Variants in ZNF16 observed in about 807,000 individuals in gnomAD.
ZNF16 encodes the protein zinc finger protein 16, also known as zinc finger protein KOX9.
ZNF16 carries 7 observed loss-of-function variants against 9.0 expected under a neutral mutation model. The observed-to-expected ratio is 0.78, with a 90% confidence interval of 0.44 to 1.47. The LOEUF is 1.47. Among genes scored for constraint, ZNF16 ranks in the 40% most tolerant of loss-of-function variants. The pLI, the probability that ZNF16 is intolerant of heterozygous loss-of-function variation, is 0.01. For synonymous variants in ZNF16, 312 were observed against 301.5 expected (o/e 1.03, Z -0.36); for missense variants, 830 against 854.2 (o/e 0.97, Z 0.35).
In ZNF16 at chr8:144,930,444, A is replaced by C; in HGVS notation, c.*294T>G. 2 of 332,634 alleles carry C rather than the reference A, an allele frequency of 6.0e-6. No homozygotes were observed. The highest frequency in any genetic ancestry group is 2.1e-5 in the African/African-American group (1 of 47,404). 20.6% of individuals were successfully genotyped at this position (332,634 alleles called of 1,614,324 possible). On this transcript the variant is annotated 3_prime_UTR_variant, in exon 3 of 3. Transcript: ENST00000394909. The stretch of plus-strand genomic sequence containing the variant: ...ACTTTTCATTATAATAATAAACTCT[A>C]TTCATGAATATGCAGCCTCCATAAT...
chr8:144,943,532 T>C (rs1195919087), intron 2 of ZNF16, among the ~76,000 whole-genome samples: 1 of 152,136 alleles, frequency 6.6e-6, no homozygotes, highest in African/African-American at 2.4e-5. Flanking sequence ...TTTTTCTTTT[T>C]TTTTTGAGAC....
At position 144,932,809 on chromosome 8, in the gene ZNF16, C is replaced by T. The variant is rs866722613; in HGVS notation, c.197-219G>A. On this transcript the variant is annotated intron_variant, in intron 2 of 2. Transcript: ENST00000394909. This position sits in a 1 kb window ranked among gnomAD's most constrained non-coding sequence, Gnocchi z 5.0. ...GATGAGTGAGAGCTCTTGATGACCA[C>T]GGACCCACCCTCCCTGGGACTCCAC... Among the ~76,000 whole-genome samples, 5 of 152,092 alleles carry T rather than the reference C, an allele frequency of 3.3e-5. No individual in the cohort carries two copies. Among genetic ancestry groups the T allele is most frequent in the African/African-American group, 9.7e-5 (4 of 41,404 alleles).
In ZNF16 at chr8:144,930,810, A is replaced by C. The variant is rs1394885881; in HGVS notation, c.1977T>G (p.Cys659Trp). 1.3e-6 allele frequency: 2 copies of C among 1,561,468 alleles called. No individual in the cohort carries two copies. The highest frequency in any genetic ancestry group is 1.7e-6 in the Non-Finnish European group (2 of 1,156,472). Residue 659 changes from cysteine (C) to tryptophan (W), a missense_variant, in exon 3 of 3, where the codon TGT becomes TGG. Transcript: ENST00000394909. ...GGCTGAAGGCTTTCCCACAAGCAGC[A>C]CAGTCATAGGGCTTCACCCCAGTGT... is the stretch of plus-strand genomic sequence containing the variant. ...RIHTGVKPYD[C>W]AACGKAFSQR... is the part of the protein sequence containing the mutation.
rs532818842 is a variant in ZNF16, at chr8:144,950,322, T to C, written c.-10+475A>G. On this transcript the variant is annotated intron_variant, in intron 1 of 2. Coordinates refer to ENST00000394909, the MANE Select transcript of ZNF16 (RefSeq NM_006958.3). ...GACCGGTGCCGGTGCAGGTCCTTAG[T>C]GTGCCGAGTGCCGGTCTCCTGGGCC... is the stretch of plus-strand genomic sequence containing the variant. 14 of 152,364 alleles carry C rather than the reference T, an allele frequency of 9.2e-5. 1 individual carries two copies. In the South Asian group the frequency reaches 2.5e-3, roughly 27 times the overall value. 9.4% of individuals were successfully genotyped at this position (152,364 alleles called of 1,614,324 possible). A position where few individuals can be genotyped will look rare whatever the true frequency, so the allele number is the denominator to read the frequency against.
In ZNF16 at chr8:144,931,518, G is replaced by A; in HGVS notation, c.1269C>T (p.His423=). The A allele has an allele frequency of 6.2e-7, 1 of 1,613,930 alleles. No homozygotes were observed. Among genetic ancestry groups the A allele is most frequent in the Middle Eastern group, 1.7e-4 (1 of 6,060 alleles). The change falls in exon 3 of 3, where the codon CAC becomes CAT. Residue 423 remains histidine (H), a synonymous_variant. Transcript: ENST00000394909. ...PFSRVSNLIK[H]HRVHTGEKPY... is the part of the protein sequence containing the mutation. ...GCTTCTCTCCAGTGTGAACCCTGTG[G>A]TGCTTAATGAGGTTGGAGACCCGAC...
chr8:144,930,966 A>T lies in ZNF16; in HGVS notation c.1821T>A (p.Gly607=), dbSNP rs765410007. ...GEKPYTCVEC[G]KGFSQSSHLI... ...GGTGTGAGCTCTGGCTGAAGCCCTT[A>T]CCACATTCAACACAGGTGTAGGGTT... is the stretch of plus-strand genomic sequence containing the variant. The change falls in exon 3 of 3, where the codon GGT becomes GGA. Residue 607 remains glycine (G), a synonymous_variant. Transcript: ENST00000394909. The T allele has an allele frequency of 1.2e-6, 2 of 1,613,690 alleles. No homozygotes were observed. Among genetic ancestry groups the T allele is most frequent in the Non-Finnish European group, 1.7e-6 (2 of 1,179,858 alleles).
At position 144,950,239 on chromosome 8, in the gene ZNF16, G is replaced by A. The variant is rs189418164; in HGVS notation, c.-10+558C>T. On this transcript the variant is annotated intron_variant, in intron 1 of 2. Transcript: ENST00000394909. ...CCTATTATCACCCTGCTCTCCTACTGCATTCCTCTTGCTGAGATAATGAAA... is the reference window on the plus strand; with the variant it reads ...CCTATTATCACCCTGCTCTCCTACTACATTCCTCTTGCTGAGATAATGAAA... 3.3e-3 allele frequency among the ~76,000 whole-genome samples: 497 copies of A among 152,238 alleles called. 1 individual carries two copies. Among genetic ancestry groups the A allele is most frequent in the South Asian group, 7.5e-3 (36 of 4,824 alleles).
chr8:144,939,945 T>C (rs73381234), intron 2 of ZNF16, among the ~76,000 whole-genome samples: 3,587 of 152,324 alleles, frequency 0.024, 139 homozygotes, highest in African/African-American at 0.083. Context: ...ATTTTGTTGA[T>C]TCTATTTTCT....
chr8:144,946,295 T>C (rs1327403703), intron 1 of ZNF16, 80 bp from the exon 2 acceptor site: 7 of 1,309,900 alleles, frequency 5.3e-6, no homozygotes, highest in Admixed American at 6.0e-5. Flanking sequence ...CCGGGGTCTC[T>C]TCCTCCACCC....
intron 2 of ZNF16, among the ~76,000 whole-genome samples, chr8:144,941,616 T>C (rs1441702060): frequency 1.3e-5 from 2 of 152,194 alleles, no homozygotes; most frequent in Non-Finnish European, 2.9e-5. Context: ...TTCTTAGGTA[T>C]TACCTTTTTT....
intron 2 of ZNF16, among the ~76,000 whole-genome samples, chr8:144,936,257 T>C (rs911370774): frequency 3.3e-5 from 5 of 152,208 alleles, no homozygotes; most frequent in Admixed American, 6.5e-5. Context: ...AGTGCTTCCT[T>C]TTCATGGCTA....
Position 144,932,587 on chromosome 8 carries a change from C to T in ZNF16, c.200G>A (p.Cys67Tyr). 2 of 1,609,580 alleles carry T rather than the reference C, an allele frequency of 1.2e-6. No individual in the cohort carries two copies. Among genetic ancestry groups the T allele is most frequent in the South Asian group, 1.1e-5 (1 of 90,482 alleles). The change falls in exon 3 of 3, where the codon TGT becomes TAT. Residue 67 changes from cysteine (C) to tyrosine (Y), a missense_variant. Coordinates refer to ENST00000394909, the MANE Select transcript of ZNF16 (RefSeq NM_006958.3). This position sits in a 1 kb window ranked among gnomAD's most constrained non-coding sequence, Gnocchi z 5.0. ...AICPHYQQPD[C>Y]DTRTEDKEFL... ...CTCCTTGTCTTCAGTCCTGGTGTCA[C>T]AATCTGAAACAATAAATAGAATATC...
In ZNF16 at chr8:144,943,699, T is replaced by C. The variant is rs551948865; in HGVS notation, c.196+2312A>G. Among the ~76,000 whole-genome samples the C allele has an allele frequency of 5.1e-4, 72 of 140,740 alleles. 1 individual carries two copies. The highest frequency in any genetic ancestry group is 8.3e-4 in the Non-Finnish European group (53 of 63,556). 92.3% of individuals were successfully genotyped at this position (140,740 alleles called of 152,430 possible). A position where few individuals can be genotyped will look rare whatever the true frequency, so the allele number is the denominator to read the frequency against. The stretch of plus-strand genomic sequence containing the variant: ...CACGCCTAGCTGATTTTTGTAGTTT[T>C]AGTAGAGACAGGGTTTCACCACGTT... On this transcript the variant is annotated intron_variant, in intron 2 of 2. Transcript: ENST00000394909.
chr8:144,948,055 G>A lies in ZNF16; in HGVS notation c.-9-1840C>T, dbSNP rs559729289. The A allele has an allele frequency of 2.6e-5, 4 of 152,832 alleles. No homozygotes were observed. In the East Asian group the frequency reaches 7.7e-4, roughly 29 times the overall value. 9.5% of individuals were successfully genotyped at this position (152,832 alleles called of 1,614,324 possible). A position where few individuals can be genotyped will look rare whatever the true frequency, so the allele number is the denominator to read the frequency against. On this transcript the variant is annotated intron_variant, in intron 1 of 2. Transcript: ENST00000394909. Reference sequence around the variant, plus strand: ...AAAGGGGATGTGAAGAAAGGTGGCAGAAGGATGGTGCAGGGAGTCAACGTG... The same window carrying A: ...AAAGGGGATGTGAAGAAAGGTGGCAAAAGGATGGTGCAGGGAGTCAACGTG...
Position 144,946,562 on chromosome 8 carries a change from C to CCGTGCTGTGGGTCTGTAT in ZNF16, c.-9-348_-9-347insATACAGACCCACAGCACG, listed in dbSNP as rs1563925549. On this transcript the variant is annotated intron_variant, in intron 1 of 2. Transcript: ENST00000394909. ...CCTGTGTACTGCTGTGGGGCCTGTACCCTGCTGTGGGCCTGTGTCCTGCTG... is the reference window on the plus strand; with the variant it reads ...CCTGTGTACTGCTGTGGGGCCTGTACCGTGCTGTGGGTCTGTATCCTGCTGTGGGCCTGTGTCCTGCTG... Among the ~76,000 whole-genome samples the CCGTGCTGTGGGTCTGTAT allele has an allele frequency of 4.7e-5, 6 of 128,776 alleles. 2 individuals carry two copies. The highest frequency in any genetic ancestry group is 2.1e-4 in the African/African-American group (6 of 28,030). The allele number at this position is 128,776 out of a possible 152,430, so 84.5% of individuals were successfully genotyped here. A position where few individuals can be genotyped will look rare whatever the true frequency, so the allele number is the denominator to read the frequency against.
chr8:144,931,645 T>C lies in ZNF16; in HGVS notation c.1142A>G (p.Glu381Gly), dbSNP rs201552063. Residue 381 changes from glutamate to glycine, a missense_variant, in exon 3 of 3, where the codon GAG (glutamate) becomes GGG (glycine). By Grantham distance (98) the Glu-to-Gly change is moderately conservative. Coordinates refer to ENST00000394909, the MANE Select transcript of ZNF16 (RefSeq NM_006958.3). ...ACTCTGGCTGAAGGCTTTCCCACACTCGCCACACTCAAAAGGCTTCTCTCC... is the reference window on the plus strand; with the variant it reads ...ACTCTGGCTGAAGGCTTTCCCACACCCGCCACACTCAAAAGGCTTCTCTCC... ...HTGEKPFECG[E>G]CGKAFSQSAH... 17 of 1,613,906 alleles carry C rather than the reference T, an allele frequency of 1.1e-5. No individual in the cohort carries two copies. Among genetic ancestry groups the C allele is most frequent in the Non-Finnish European group, 1.4e-5 (17 of 1,180,018 alleles).
intron 1 of ZNF16, among the ~76,000 whole-genome samples, chr8:144,946,587 G>GTGGGCCTGTACCCTGCTGT (rs1833941449): frequency 7.7e-6 from 1 of 129,880 alleles, no homozygotes; most frequent in African/African-American, 3.2e-5. Flanking sequence ...GTGTCCTGCT[G>GTGGGCCTGTACCCTGCTGT]TGGGTCTGTA....
In ZNF16 at chr8:144,931,868, TC is replaced by T; in HGVS notation, c.918del (p.Ser307AlafsTer10). Reference protein sequence around the residue: ...NECGKAFSQNSSLKKHQKSHM... With the variant: ...NECGKAFSQNXSLKKHQKSHM... ...TGAGACTTTTGGTGCTTTTTAAGGC[TC>T]GAGTTCTGGCTGAAGGCTTTTCCAC... is the stretch of plus-strand genomic sequence containing the variant. On this transcript the variant is annotated frameshift_variant, in exon 3 of 3. Coordinates refer to ENST00000394909, the MANE Select transcript of ZNF16 (RefSeq NM_006958.3). LOFTEE classifies it low-confidence loss of function (END_TRUNC). 1 of 1,614,134 alleles carries T rather than the reference TC, an allele frequency of 6.2e-7. No individual in the cohort carries two copies.
chr8:144,932,226 G>T lies in ZNF16; in HGVS notation c.561C>A (p.Gly187=). ...GGTCCACACTGTGCTGGAAACTCTG[G>T]CCACCCATGTCATATGGATGTGGCC... The part of the protein sequence containing the change: ...EERPHPYDMG[G]QSFQHSVDLT... Residue 187 remains glycine (G), a synonymous_variant, in exon 3 of 3, where the codon GGC becomes GGA. Coordinates refer to ENST00000394909, the MANE Select transcript of ZNF16 (RefSeq NM_006958.3). The surrounding 1 kb of genome is among the most constrained non-coding windows in gnomAD (Gnocchi z 5.0). 1.9e-6 allele frequency: 3 copies of T among 1,614,168 alleles called. No individual in the cohort carries two copies.
Sources: gnomAD v4.1 joint callset for allele counts (sites outside exome capture counted in the v4.1 genomes callset) on GRCh38, gnomAD v4.1.1 for gene constraint, Gnocchi (gnomAD v3.1) non-coding constraint, MANE v1.5 for transcripts, NCBI Gene and HGNC (gene_info 2026-07-23, HGNC 2026-07-21) for gene names.